Variants in OPA3 observed in about 807,000 individuals in gnomAD.
The protein encoded by OPA3 is optic atrophy 3 protein.
In OPA3, 6 loss-of-function variants were observed where a neutral mutation model predicts 4.0. That is an observed-to-expected ratio of 1.51 (90% CI 0.83 to 2.99). The LOEUF (loss-of-function observed/expected upper bound fraction) is 2.99. Among genes scored for constraint, OPA3 ranks in the 30% most tolerant of loss-of-function variants. The pLI, the probability that OPA3 is intolerant of heterozygous loss-of-function variation, is 0.00. For synonymous variants in OPA3, 105 were observed against 117.1 expected, an observed-to-expected ratio of 0.90 and a Z score of 0.67; for missense variants, 235 against 256.2, an observed-to-expected ratio of 0.92 and a Z score of 0.56.
At chr19:45,538,732 A>G (rs1969150330) in intron 1 of OPA3, among the ~76,000 whole-genome samples, 1 of 152,110 alleles carries the variant, frequency 6.6e-6, no homozygotes, top group Admixed American at 6.5e-5. Flanking sequence ...CAAAAAAAAA[A>G]AAAAGAAAAG....
At chr19:45,541,149 A>G (rs1969181397) in intron 1 of OPA3, among the ~76,000 whole-genome samples, 1 of 152,170 alleles carries the variant, frequency 6.6e-6, no homozygotes, top group Admixed American at 6.5e-5. Context: ...CTGGGAACCC[A>G]GGCTCCTTCT....
At chr19:45,532,066 C>T (rs1969066679) in intron 1 of OPA3, among the ~76,000 whole-genome samples, 1 of 152,146 alleles carries the variant, frequency 6.6e-6, no homozygotes, top group South Asian at 2.1e-4. Flanking sequence ...GGCTTTGGGC[C>T]ATGTGATATC....
In OPA3 at chr19:45,547,147, G is replaced by A. The variant is rs535358403; in HGVS notation, c.*6367C>T. ...AGATGTGGTGGAAGCAGAGGCCTGA[G>A]TGATCCTGTTGGGGCTCCAGAGCTG... is the stretch of plus-strand genomic sequence containing the variant. On this transcript the variant is annotated 3_prime_UTR_variant, in exon 2 of 2. Transcript: ENST00000263275. 1 of 152,408 alleles carries A rather than the reference G, an allele frequency of 6.6e-6. No homozygotes were observed. Among genetic ancestry groups the A allele is most frequent in the African/African-American group, 2.4e-5 (1 of 41,570 alleles). The allele number at this position is 152,408 out of a possible 1,614,324, so 9.4% of individuals were successfully genotyped here. A position where few individuals can be genotyped will look rare whatever the true frequency, so the allele number is the denominator to read the frequency against.
At chr19:45,573,394 T>C (rs1969717696) in intron 1 of OPA3, among the ~76,000 whole-genome samples, 1 of 151,928 alleles carries the variant, frequency 6.6e-6, no homozygotes, top group Non-Finnish European at 1.5e-5. Flanking sequence ...GAGGTTGCGG[T>C]GAGCTGAGAT....
chr19:45,555,389 G>T (rs1285036017), intron 1 of OPA3, among the ~76,000 whole-genome samples: 5 of 152,162 alleles, frequency 3.3e-5, no homozygotes, highest in African/African-American at 9.7e-5. Context: ...CGGCTGGAGT[G>T]TAGTGGCGCA....
At chr19:45,580,001 C>CTTT (rs57357578) in intron 1 of OPA3, among the ~76,000 whole-genome samples, 1 of 114,880 alleles carries the variant, frequency 8.7e-6, no homozygotes, top group African/African-American at 4.3e-5. Flanking sequence ...TTTTTTTTTT[C>CTTT]TTTTTTTTTT....
chr19:45,566,389 A>G (rs190064368), intron 1 of OPA3, among the ~76,000 whole-genome samples: 10 of 150,538 alleles, frequency 6.6e-5, no homozygotes, highest in Admixed American at 4.6e-4. Context: ...ACCTCAGATG[A>G]TAATACCCGC....
intron 1 of OPA3, among the ~76,000 whole-genome samples, chr19:45,571,457 T>C (rs1424310385): frequency 6.6e-6 from 1 of 152,174 alleles, no homozygotes; most frequent in Non-Finnish European, 1.5e-5. Flanking sequence ...GACTGCTAAA[T>C]AATTTTACAT....
At chr19:45,559,621 T>C (rs1969475503) in intron 1 of OPA3, among the ~76,000 whole-genome samples, 1 of 151,866 alleles carries the variant, frequency 6.6e-6, no homozygotes, top group African/African-American at 2.4e-5. Flanking sequence ...CAGGCTGGTC[T>C]CGAACTCCTG....
intron 1 of OPA3, among the ~76,000 whole-genome samples, chr19:45,531,187 G>C (rs752362882): frequency 6.6e-6 from 1 of 151,886 alleles, no homozygotes; most frequent in Admixed American, 6.6e-5. Flanking sequence ...AAATATGGAG[G>C]TTATGGAAAT....
chr19:45,529,018 G>C, exon 2 of OPA3: 6 of 1,583,538 alleles, frequency 3.8e-6, no homozygotes, highest in Non-Finnish European at 5.1e-6. Flanking sequence ...TCGCAGTCCA[G>C]ACAGCAGTCA....
At chr19:45,563,651 G>A (rs899758407) in intron 1 of OPA3, among the ~76,000 whole-genome samples, 1 of 151,406 alleles carries the variant, frequency 6.6e-6, no homozygotes, top group African/African-American at 2.4e-5. Context: ...GAATCCCAGC[G>A]ATCAAACAGT....
intron 1 of OPA3, among the ~76,000 whole-genome samples, chr19:45,538,933 A>C (rs1210370427): frequency 1.3e-5 from 2 of 152,236 alleles, no homozygotes; most frequent in African/African-American, 4.8e-5. Flanking sequence ...AAAGAGGTTT[A>C]GTTGACTTAC....
intron 1 of OPA3, among the ~76,000 whole-genome samples, chr19:45,559,028 C>T (rs553399958): frequency 7.9e-5 from 12 of 152,052 alleles, no homozygotes; most frequent in South Asian, 2.1e-4. Context: ...GGATTACAGG[C>T]GCCCACCACC....
chr19:45,563,544 TAAGG>T (rs566275098), intron 1 of OPA3, among the ~76,000 whole-genome samples: 90 of 152,054 alleles, frequency 5.9e-4, no homozygotes, highest in African/African-American at 2.0e-3. Flanking sequence ...TGAAATAGAG[TAAGG>T]AAGTCTTGTT....
intron 1 of OPA3, among the ~76,000 whole-genome samples, chr19:45,531,899 G>A (rs1969064945): frequency 6.6e-6 from 1 of 152,158 alleles, no homozygotes; most frequent in African/African-American, 2.4e-5. Flanking sequence ...TTTCTTGTCT[G>A]CTCAGTAAAG....
intron 1 of OPA3, among the ~76,000 whole-genome samples, chr19:45,533,796 G>C (rs1169511380): frequency 6.6e-6 from 1 of 152,222 alleles, no homozygotes; most frequent in African/African-American, 2.4e-5. Flanking sequence ...GGTTTCACAA[G>C]GTTGAACAAG....
At chr19:45,572,308 C>A (rs1301539059) in intron 1 of OPA3, among the ~76,000 whole-genome samples, 1 of 100,108 alleles carries the variant, frequency 1.0e-5, no homozygotes, top group Non-Finnish European at 2.2e-5. Flanking sequence ...TCATATATAT[C>A]GACATATATG....
chr19:45,571,106 T>C (rs936968199), intron 1 of OPA3, among the ~76,000 whole-genome samples: 3 of 151,950 alleles, frequency 2.0e-5, no homozygotes, highest in Non-Finnish European at 2.9e-5. Context: ...GCGCTATACA[T>C]GACTGCTAAA....
Sources: gnomAD v4.1 joint callset for allele counts (sites outside exome capture counted in the v4.1 genomes callset) on GRCh38, gnomAD v4.1.1 for gene constraint, MANE v1.5 for transcripts, NCBI Gene and HGNC (gene_info 2026-07-23, HGNC 2026-07-21) for gene names.